Variants in SORD observed in about 807,000 individuals in gnomAD.
SORD encodes the protein sorbitol dehydrogenase, also known as (R,R)-butanediol dehydrogenase.
Under a neutral mutation model 35.6 loss-of-function variants are expected in SORD, and 18 were observed. The ratio of observed to expected loss-of-function variants is 0.51; its 90% CI spans 0.35 to 0.75. The LOEUF (loss-of-function observed/expected upper bound fraction) is 0.75, where lower values mean the gene tolerates loss of function less well. Ranked by LOEUF, SORD falls within the 30% of genes least tolerant of loss-of-function variation. The probability of loss-of-function intolerance (pLI) is 0.01; values close to 1 mark genes in which losing one functional copy is unlikely to be tolerated. For synonymous variants in SORD, 106 were observed against 152.9 expected (o/e 0.69, Z 2.26); for missense variants, 250 against 390.2 (o/e 0.64, Z 3.03).
chr15:45,038,918 C>G (rs191031783), intron 1 of SORD, among the ~76,000 whole-genome samples: 11 of 152,286 alleles, frequency 7.2e-5, no homozygotes, highest in African/African-American at 2.4e-4. Context: ...CTTTGCACCA[C>G]CCCTGAAGGA....
At chr15:45,038,009 A>C (rs1892897400) in intron 1 of SORD, among the ~76,000 whole-genome samples, 1 of 152,064 alleles carries the variant, frequency 6.6e-6, no homozygotes, top group Non-Finnish European at 1.5e-5. Flanking sequence ...ATCACTTTAC[A>C]CAGCGGTCCC....
chr15:45,029,073 CACTT>C, intron 1 of SORD, among the ~76,000 whole-genome samples: 1 of 152,246 alleles, frequency 6.6e-6, no homozygotes. Context: ...AAGTCAGAGA[CACTT>C]GAGAGTGAAA....
rs767483875 is a variant in SORD at position 45,061,224 on chromosome 15, C to T, written c.423C>T (p.Tyr141=). ...ATAAGCACAATGCAGCCTTTTGTTA[C>T]AAGTTAGTGTCCACAGTCCCACTGG... ...RFYKHNAAFC[Y]KLPDNVTFEE... is the part of the protein sequence containing the mutation. Residue 141 remains tyrosine, a splice_region_variant and synonymous_variant, in exon 4 of 9, where the codon TAC becomes TAT. Coordinates refer to ENST00000267814, the MANE Select transcript of SORD (RefSeq NM_003104.6). 9 of 1,613,970 alleles carry T rather than the reference C, an allele frequency of 5.6e-6. No individual in the cohort carries two copies. The African/African-American group carries it at 6.7e-5, about 12-fold the overall frequency.
intron 1 of SORD, chr15:45,036,446 C>T (rs1892867863): frequency 2.3e-6 from 1 of 426,202 alleles, no homozygotes; most frequent in Non-Finnish European, 4.7e-6. Context: ...AATCCCAGCA[C>T]TTTGGGAGGC....
At chr15:45,070,952 C>T (rs1216275747) in intron 7 of SORD, among the ~76,000 whole-genome samples, 1 of 152,196 alleles carries the variant, frequency 6.6e-6, no homozygotes, top group African/African-American at 2.4e-5. Flanking sequence ...AGGCCTGAAG[C>T]AGTGTCTCTC....
At chr15:45,054,559 G>A (rs1057390055) in intron 3 of SORD, among the ~76,000 whole-genome samples, 4 of 152,172 alleles carry the variant, frequency 2.6e-5, no homozygotes, top group Non-Finnish European at 5.9e-5. Flanking sequence ...TTTGTCAGAC[G>A]AGTAGGTTGT....
At position 45,069,413 on chromosome 15, in the gene SORD, T is replaced by C. The variant is rs1893473263; in HGVS notation, c.786+361T>C. On this transcript the variant is annotated intron_variant, in intron 7 of 8. Transcript: ENST00000267814. ...TTTTAGAAGAGATGGGGTTTCACCG[T>C]GTTAGCCAGGATGGTCGCCATCTCC... 2.0e-5 allele frequency among the ~76,000 whole-genome samples: 3 copies of C among 151,900 alleles called. No homozygotes were observed. In the South Asian group the frequency reaches 6.2e-4, roughly 32 times the overall value.
intron 7 of SORD, chr15:45,070,611 C>T (rs1353257413): frequency 6.6e-6 from 1 of 152,240 alleles, no homozygotes; most frequent in African/African-American, 2.4e-5. Context: ...GAAGCCGAAG[C>T]TCAGAGAGGA....
chr15:45,037,827 G>T (rs545809755), intron 1 of SORD, among the ~76,000 whole-genome samples: 1 of 151,990 alleles, frequency 6.6e-6, no homozygotes, highest in Non-Finnish European at 1.5e-5. Context: ...GGGAGGGAGG[G>T]CATTAGGACA....
chr15:45,053,416 C>G (rs941876867), intron 3 of SORD, among the ~76,000 whole-genome samples: 1 of 152,140 alleles, frequency 6.6e-6, no homozygotes, highest in Admixed American at 6.5e-5. Flanking sequence ...AATGCAATTA[C>G]TGAGAGACAA....
chr15:45,042,690 T>A (rs1419288493), intron 2 of SORD, among the ~76,000 whole-genome samples: 1 of 152,074 alleles, frequency 6.6e-6, no homozygotes, highest in African/African-American at 2.4e-5. Context: ...AATAGTTTGT[T>A]CTCTTAAGTG....
intron 3 of SORD, among the ~76,000 whole-genome samples, chr15:45,054,278 C>T (rs1428817064): frequency 6.6e-6 from 1 of 152,120 alleles, no homozygotes; most frequent in African/African-American, 2.4e-5. Context: ...AAAAGTGTTC[C>T]TATTTCAACA....
At chr15:45,057,272 G>C (rs1367220248) in intron 3 of SORD, among the ~76,000 whole-genome samples, 1 of 151,928 alleles carries the variant, frequency 6.6e-6, no homozygotes, top group Middle Eastern at 3.4e-3. Context: ...CCTTTTTTTA[G>C]GTTTTTTGCT....
intron 7 of SORD, among the ~76,000 whole-genome samples, chr15:45,071,246 G>A (rs1893508396): frequency 1.3e-5 from 2 of 152,190 alleles, no homozygotes; most frequent in African/African-American, 4.8e-5. Flanking sequence ...TGGCCAGTTG[G>A]TGTTCCTCCT....
At chr15:45,040,893 C>T (rs1375359256) in intron 2 of SORD, among the ~76,000 whole-genome samples, 1 of 152,186 alleles carries the variant, frequency 6.6e-6, no homozygotes, top group Non-Finnish European at 1.5e-5. Flanking sequence ...CCAGCTTTCC[C>T]CACTCCCCAG....
chr15:45,067,350 A>G (rs1202216040), intron 5 of SORD, among the ~76,000 whole-genome samples: 1 of 152,136 alleles, frequency 6.6e-6, no homozygotes, highest in African/African-American at 2.4e-5. Context: ...ACAGAGCGAG[A>G]CTCTGTCTCA....
intron 3 of SORD, among the ~76,000 whole-genome samples, chr15:45,044,220 T>C (rs1209963436): frequency 6.6e-6 from 1 of 152,194 alleles, no homozygotes; most frequent in Admixed American, 6.5e-5. Flanking sequence ...CCTAGTGGAA[T>C]GTTTATAGCT....
chr15:45,030,634 G>C (rs1892764857), intron 1 of SORD, among the ~76,000 whole-genome samples: 1 of 152,240 alleles, frequency 6.6e-6, no homozygotes, highest in African/African-American at 2.4e-5. Context: ...TAGAATTTTT[G>C]CTCCATATAT....
At chr15:45,029,160 C>A (rs1892728140) in intron 1 of SORD, among the ~76,000 whole-genome samples, 1 of 152,254 alleles carries the variant, frequency 6.6e-6, no homozygotes, top group South Asian at 2.1e-4. Context: ...ATCTTTCTTG[C>A]TTTTATCTTA....
Sources: gnomAD v4.1 joint callset for allele counts (sites outside exome capture counted in the v4.1 genomes callset) on GRCh38, gnomAD v4.1.1 for gene constraint, MANE v1.5 for transcripts, NCBI Gene and HGNC (gene_info 2026-07-23, HGNC 2026-07-21) for gene names.